The following RPRD2 variants were observed in gnomAD, a reference collection of about 807,000 sequenced individuals.
RPRD2 encodes the protein regulation of nuclear pre-mRNA domain-containing protein 2.
In RPRD2, 12 loss-of-function variants were observed where a neutral mutation model predicts 104.4. That is an observed-to-expected ratio of 0.11 (90% confidence interval 0.07 to 0.19). The LOEUF (loss-of-function observed/expected upper bound fraction) is 0.19. RPRD2 is among the 10% of genes least tolerant of loss of function. The pLI, the probability that RPRD2 is intolerant of heterozygous loss-of-function variation, is 1.00. For missense variants in RPRD2, 1,543 were observed against 1,790.1 expected (o/e 0.86, Z 2.49); for synonymous variants, 714 against 684.9 (o/e 1.04, Z -0.66).
chr1:150,390,477 C>T (rs1295041861), intron 1 of RPRD2, among the ~76,000 whole-genome samples: 2 of 151,640 alleles, frequency 1.3e-5, no homozygotes, highest in Admixed American at 6.6e-5. Context: ...CCAGCCTGGG[C>T]GACAAGTGAG....
At chr1:150,372,591 A>C (rs1572340838) in intron 1 of RPRD2, among the ~76,000 whole-genome samples, 2 of 152,294 alleles carry the variant, frequency 1.3e-5, no homozygotes, top group South Asian at 2.1e-4. Context: ...ACATAATAGA[A>C]GGCGATAAAT....
intron 7 of RPRD2, among the ~76,000 whole-genome samples, chr1:150,451,508 A>C (rs587732820): frequency 6.6e-6 from 1 of 151,580 alleles, no homozygotes; most frequent in South Asian, 2.1e-4. Flanking sequence ...CCCCGTCTCC[A>C]CTAAAAAATA....
rs587722593 is a variant in RPRD2, at chr1:150,462,712, C to CGGT, written c.1412-1814_1412-1813insGTG. ...CTGGGACTACAGGTGCCTGCCACCA[C>CGGT]GCCCAGCTAATTTTTTGTATTTTTG... On this transcript the variant is annotated intron_variant, in intron 9 of 10. Transcript: ENST00000369068. 3.4e-4 allele frequency among the ~76,000 whole-genome samples: 52 copies of CGGT among 152,132 alleles called. No individual in the cohort carries two copies. The South Asian group carries it at 0.01, about 30-fold the overall frequency.
intron 2 of RPRD2, among the ~76,000 whole-genome samples, chr1:150,427,234 A>G (rs1313899939): frequency 6.6e-6 from 1 of 152,238 alleles, no homozygotes; most frequent in Non-Finnish European, 1.5e-5. Context: ...GCACCTTGGG[A>G]GACCGAGGCG....
At chr1:150,460,863 C>G (rs111694412) in intron 9 of RPRD2, among the ~76,000 whole-genome samples, 66 of 150,436 alleles carry the variant, frequency 4.4e-4, no homozygotes, top group Middle Eastern at 3.4e-3. Flanking sequence ...ATAGCTGGGA[C>G]TACAGGCATG....
At chr1:150,439,299 C>G (rs1379559814) in intron 2 of RPRD2, among the ~76,000 whole-genome samples, 1 of 152,126 alleles carries the variant, frequency 6.6e-6, no homozygotes, top group East Asian at 1.9e-4. Flanking sequence ...CACACATAGT[C>G]AGGCATACCT....
chr1:150,373,217 T>C (rs1390853507), intron 1 of RPRD2, among the ~76,000 whole-genome samples: 4 of 151,854 alleles, frequency 2.6e-5, no homozygotes, highest in Admixed American at 2.6e-4. Flanking sequence ...TTTCATCATA[T>C]TGGTCACGCT....
chr1:150,387,515 C>CAGGAT (rs1159565527), intron 1 of RPRD2, among the ~76,000 whole-genome samples: 1 of 139,708 alleles, frequency 7.2e-6, no homozygotes, highest in Admixed American at 7.8e-5. Flanking sequence ...AGATATTTTG[C>CAGGAT]AGGATCCTTC....
intron 2 of RPRD2, among the ~76,000 whole-genome samples, chr1:150,431,627 C>T (rs894435539): frequency 1.3e-5 from 2 of 150,662 alleles, no homozygotes; most frequent in Admixed American, 6.6e-5. Context: ...ATTACAGGCG[C>T]GCGCCACCAT....
At chr1:150,465,383 G>A (rs929018447) in intron 10 of RPRD2, among the ~76,000 whole-genome samples, 1 of 152,156 alleles carries the variant, frequency 6.6e-6, no homozygotes, top group Non-Finnish European at 1.5e-5. Flanking sequence ...CTCCCAAAGT[G>A]CTAGGATTAC....
At chr1:150,445,446 T>C (rs910893835) in intron 6 of RPRD2, among the ~76,000 whole-genome samples, 7 of 152,200 alleles carry the variant, frequency 4.6e-5, no homozygotes, top group Non-Finnish European at 8.8e-5. Context: ...GAAGAACTTT[T>C]ATTGTGATGC....
rs587633207 is a variant in RPRD2, at chr1:150,403,972, G to A, written c.206-13624G>A. Among the ~76,000 whole-genome samples the A allele has an allele frequency of 6.6e-5, 10 of 152,092 alleles. No homozygotes were observed. The South Asian group carries it at 1.7e-3, about 25-fold the overall frequency. Reference sequence around the variant, plus strand: ...AATGTTTTCTTAAAGCTTACTGTAGGTCTAGAGATTTTTAAAATTATAGAC... The same window carrying A: ...AATGTTTTCTTAAAGCTTACTGTAGATCTAGAGATTTTTAAAATTATAGAC... On this transcript the variant is annotated intron_variant, in intron 1 of 10. Coordinates refer to ENST00000369068, the MANE Select transcript of RPRD2 (RefSeq NM_015203.5).
Position 150,446,282 on chromosome 1 carries a change from G to A in RPRD2, c.751G>A (p.Glu251Lys). ...ATTTGAAGAGGCAAGCTCCAAGCTG[G>A]AAGAATTTGTGAATGGATTAGATAA... ...KEFEEASSKLEEFVNGLDKQV... is the reference protein window; with the variant it reads ...KEFEEASSKLKEFVNGLDKQV... The change falls in exon 7 of 11, where the codon GAA becomes AAA. Residue 251 changes from glutamate to lysine, a missense_variant. This residue lies in a region of RPRD2 where 572 missense variants were observed against 787.3 expected (regional missense o/e 0.73). Coordinates refer to ENST00000369068, the MANE Select transcript of RPRD2 (RefSeq NM_015203.5). 1 of 1,609,774 alleles carries A rather than the reference G, an allele frequency of 6.2e-7. No individual in the cohort carries two copies. Among genetic ancestry groups the A allele is most frequent in the Non-Finnish European group, 8.5e-7 (1 of 1,178,920 alleles).
chr1:150,451,075 G>C (rs149874170), intron 7 of RPRD2, among the ~76,000 whole-genome samples: 54 of 152,268 alleles, frequency 3.5e-4, no homozygotes, highest in African/African-American at 1.2e-3. Context: ...ATCTGGAACA[G>C]TTTCTTAGCT....
intron 1 of RPRD2, among the ~76,000 whole-genome samples, chr1:150,403,346 C>G (rs1398872102): frequency 6.6e-6 from 1 of 152,102 alleles, no homozygotes. Context: ...CATTGTTACG[C>G]AGCCATCACC....
At chr1:150,422,367 T>TAATAAA (rs1407375626) in intron 2 of RPRD2, among the ~76,000 whole-genome samples, 8 of 111,986 alleles carry the variant, frequency 7.1e-5, no homozygotes, top group Non-Finnish European at 9.2e-5. Flanking sequence ...ATAATAATAA[T>TAATAAA]AAATAAAATT....
intron 1 of RPRD2, among the ~76,000 whole-genome samples, chr1:150,393,869 T>C (rs1009341766): frequency 1.3e-5 from 2 of 151,938 alleles, no homozygotes; most frequent in Non-Finnish European, 2.9e-5. Flanking sequence ...CATTGAGAGA[T>C]AATGAAAATC....
chr1:150,427,290 T>C (rs770635861), intron 2 of RPRD2, among the ~76,000 whole-genome samples: 1 of 152,046 alleles, frequency 6.6e-6, no homozygotes, highest in Admixed American at 6.6e-5. Flanking sequence ...CTGGCCAACA[T>C]GGTCAAACCC....
chr1:150,372,108 T>C (rs1660353678), intron 1 of RPRD2, among the ~76,000 whole-genome samples: 1 of 152,196 alleles, frequency 6.6e-6, no homozygotes, highest in Non-Finnish European at 1.5e-5. Context: ...AGTATTGCCA[T>C]AGGCATACAG....
Sources: allele counts gnomAD v4.1 joint callset (sites outside exome capture counted in the v4.1 genomes callset), GRCh38; gene constraint gnomAD v4.1.1; regional missense constraint gnomAD v4.1.1; transcripts MANE v1.5; gene names NCBI Gene and HGNC (gene_info 2026-07-23, HGNC 2026-07-21).